RARB: variants seen among roughly 807,000 people sequenced by gnomAD.
RARB encodes the protein retinoic acid receptor beta, also known as HBV-activated protein.
RARB carries 17 observed loss-of-function variants against 51.9 expected under a neutral mutation model. The ratio of observed to expected loss-of-function variants is 0.33; its 90% CI spans 0.22 to 0.49. The LOEUF is 0.49. RARB is among the 20% of genes least tolerant of loss of function. The pLI, the probability that RARB is intolerant of heterozygous loss-of-function variation, is 0.99. For missense variants in RARB, 369 were observed against 550.8 expected, an observed-to-expected ratio of 0.67 and a Z score of 3.30; for synonymous variants, 215 against 195.4, an observed-to-expected ratio of 1.10 and a Z score of -0.84.
At chr3:25,484,305 G>A (rs772114251) in intron 2 of RARB, among the ~76,000 whole-genome samples, 1 of 152,144 alleles carries the variant, frequency 6.6e-6, no homozygotes, top group Non-Finnish European at 1.5e-5. Flanking sequence ...CTGGTTCATA[G>A]CAAAAGAGAC....
chr3:24,965,174 G>C lies in RARB; in HGVS notation c.-379-94951G>C, dbSNP rs544283622. Among the ~76,000 whole-genome samples the C allele has an allele frequency of 2.2e-4, 34 of 152,246 alleles. No individual in the cohort carries two copies. In the South Asian group the frequency reaches 7.0e-3, roughly 32 times the overall value. Reference sequence around the variant, plus strand: ...GGATCTCATGACATCATCATGTGTGGAGTTCTTATATTTTCCCACTTAATT... The same window carrying C: ...GGATCTCATGACATCATCATGTGTGCAGTTCTTATATTTTCCCACTTAATT... On this transcript the variant is annotated intron_variant, in intron 2 of 11. Coordinates refer to the RARB transcript ENST00000383772.
intron 2 of RARB, among the ~76,000 whole-genome samples, chr3:25,478,136 GGC>G (rs1696050742): frequency 1.3e-5 from 2 of 152,142 alleles, no homozygotes; most frequent in African/African-American, 4.8e-5. Flanking sequence ...GGAGCCACAT[GGC>G]CTTTTATTCC....
intron 3 of RARB, among the ~76,000 whole-genome samples, chr3:25,075,407 T>C (rs1415092249): frequency 6.6e-6 from 1 of 152,186 alleles, no homozygotes; most frequent in African/African-American, 2.4e-5. Context: ...GTAATTTAGC[T>C]GTCAGTCTGG....
chr3:25,372,884 A>G (rs1315385066), intron 5 of RARB, among the ~76,000 whole-genome samples: 1 of 152,188 alleles, frequency 6.6e-6, no homozygotes, highest in Non-Finnish European at 1.5e-5. Flanking sequence ...AGTGAAATGG[A>G]TAGATTTGCA....
At position 25,213,887 on chromosome 3, in the gene RARB, T is replaced by C. The variant is rs141904162; in HGVS notation, c.178+39312T>C. Among the ~76,000 whole-genome samples the C allele has an allele frequency of 5.4e-3, 828 of 152,364 alleles. 14 individuals are homozygous for C. The highest frequency in any genetic ancestry group is 0.018 in the African/African-American group (731 of 41,580). The stretch of plus-strand genomic sequence containing the variant: ...CTCTTACTTGGCAATGTTATTTTTG[T>C]AAACCATTCATTTCCCACTATAATC... On this transcript the variant is annotated intron_variant, in intron 5 of 11. Transcript: ENST00000383772.
At chr3:25,164,251 G>A (rs73145374) in intron 4 of RARB, among the ~76,000 whole-genome samples, 2,228 of 152,270 alleles carry the variant, frequency 0.015, 65 homozygotes, top group African/African-American at 0.051. Flanking sequence ...TGATGAGAAT[G>A]GGTCCAAATA....
intron 5 of RARB, among the ~76,000 whole-genome samples, chr3:25,591,291 A>G (rs1701601434): frequency 6.6e-6 from 1 of 152,232 alleles, no homozygotes; most frequent in African/African-American, 2.4e-5. Flanking sequence ...ACCCCTCCCA[A>G]TATAAAACGA....
intron 5 of RARB, among the ~76,000 whole-genome samples, chr3:25,319,467 A>G (rs965313961): frequency 4.6e-5 from 7 of 152,164 alleles, no homozygotes; most frequent in African/African-American, 4.8e-5. Context: ...ACTGTCATCA[A>G]TTCTCCTTCT....
chr3:25,493,860 C>T (rs1696871351), intron 2 of RARB, among the ~76,000 whole-genome samples: 1 of 152,138 alleles, frequency 6.6e-6, no homozygotes, highest in Admixed American at 6.5e-5. Flanking sequence ...ACATGTTAAA[C>T]CTGATATCAA....
Position 24,870,215 on chromosome 3 carries a change from T to A in RARB, c.-380+11463T>A, listed in dbSNP as rs1197709599. On this transcript the variant is annotated intron_variant, in intron 2 of 11. Transcript: ENST00000383772. ...ATACAGTTTATTAATTTTAATGCAT[T>A]CTAATTTATTTTCTTTTATGACCAA... 2.6e-5 allele frequency among the ~76,000 whole-genome samples: 4 copies of A among 152,214 alleles called. No individual in the cohort carries two copies. The East Asian group carries it at 7.7e-4, about 29-fold the overall frequency.
chr3:24,999,256 G>A (rs930764897), intron 2 of RARB, among the ~76,000 whole-genome samples: 2 of 152,128 alleles, frequency 1.3e-5, no homozygotes, highest in African/African-American at 4.8e-5. Flanking sequence ...GTAGTACACA[G>A]CTAGCCATGT....
intron 5 of RARB, among the ~76,000 whole-genome samples, chr3:25,294,963 G>A (rs1363832772): frequency 6.6e-6 from 1 of 152,138 alleles, no homozygotes; most frequent in Non-Finnish European, 1.5e-5. Context: ...TTTACTATGT[G>A]ATTAGTCCTG....
intron 2 of RARB, among the ~76,000 whole-genome samples, chr3:25,493,196 G>A (rs887923478): frequency 2.7e-4 from 41 of 151,848 alleles, no homozygotes; most frequent in Middle Eastern, 3.2e-3. Flanking sequence ...AAAATAATAG[G>A]GTGTTTTTCT....
At chr3:25,400,465 T>C (rs1021370868) in intron 5 of RARB, among the ~76,000 whole-genome samples, 2 of 152,148 alleles carry the variant, frequency 1.3e-5, no homozygotes, top group African/African-American at 4.8e-5. Context: ...GAAATGCTGA[T>C]AATAATAGTA....
chr3:24,978,048 T>A (rs58645980), intron 2 of RARB, among the ~76,000 whole-genome samples: 73,568 of 151,994 alleles, frequency 0.48, 18,232 homozygotes, highest in Admixed American at 0.6. Context: ...TGTGACGGAT[T>A]ACATTTATTG....
chr3:25,138,897 C>G (rs1016799636), intron 4 of RARB, among the ~76,000 whole-genome samples: 1 of 152,128 alleles, frequency 6.6e-6, no homozygotes, highest in Admixed American at 6.5e-5. Context: ...TCTGTTAGCA[C>G]TGTTTCCAGC....
chr3:25,258,933 G>C, intron 5 of RARB: 1 of 520,690 alleles, frequency 1.9e-6, no homozygotes, highest in Non-Finnish European at 2.5e-6. Flanking sequence ...CCTCTCAAAG[G>C]CACTAACTTT....
At chr3:25,261,594 A>G (rs1702999190) in intron 5 of RARB, among the ~76,000 whole-genome samples, 1 of 152,100 alleles carries the variant, frequency 6.6e-6, no homozygotes, top group African/African-American at 2.4e-5. Context: ...TCAGGCTTCC[A>G]CTAATTCAGG....
intron 2 of RARB, among the ~76,000 whole-genome samples, chr3:24,919,393 G>A (rs963372617): frequency 6.6e-6 from 1 of 152,038 alleles, no homozygotes; most frequent in African/African-American, 2.4e-5. Flanking sequence ...CGAACAGACT[G>A]TAACCTACTC....
Sources: gnomAD v4.1 joint callset for allele counts (sites outside exome capture counted in the v4.1 genomes callset) on GRCh38, gnomAD v4.1.1 for gene constraint, MANE v1.5 for transcripts, NCBI Gene and HGNC (gene_info 2026-07-23, HGNC 2026-07-21) for gene names.